TAFA5: variants seen among roughly 807,000 people sequenced by gnomAD.
TAFA5 encodes the protein chemokine-like protein TAFA-5.
In TAFA5, 6 loss-of-function variants were observed where a neutral mutation model predicts 15.3. That is an observed-to-expected ratio of 0.39 (90% confidence interval 0.21 to 0.77). The LOEUF is 0.77. Ranked by LOEUF, TAFA5 falls within the 30% of genes least tolerant of loss-of-function variation. The pLI is 0.41. For synonymous variants in TAFA5, 103 were observed against 80.7 expected (o/e 1.28, Z -1.48); for missense variants, 161 against 193.1 (o/e 0.83, Z 0.98).
chr22:48,686,804 T>C (rs868651462), intron 2 of TAFA5, among the ~76,000 whole-genome samples: 9 of 150,662 alleles, frequency 6.0e-5, no homozygotes, highest in African/African-American at 1.5e-4. Context: ...AGTGGATGGA[T>C]GGATGGATTG....
At position 48,663,117 on chromosome 22, in the gene TAFA5, C is replaced by T. The variant is rs541302185; in HGVS notation, c.262+16371C>T. 3.9e-5 allele frequency among the ~76,000 whole-genome samples: 6 copies of T among 152,074 alleles called. No individual in the cohort carries two copies. The South Asian group carries it at 6.2e-4, about 16-fold the overall frequency. On this transcript the variant is annotated intron_variant, in intron 2 of 3. Coordinates refer to ENST00000402357, the MANE Select transcript of TAFA5 (RefSeq NM_001082967.3). ...GCTGGGCCCCTGGGTGTCTTAGCTG[C>T]GGTTTTCTTTGGCTTTAACTTTTTG...
chr22:48,490,379 G>A lies in TAFA5; in HGVS notation c.112+675G>A, dbSNP rs1301938600. 1.3e-5 allele frequency among the ~76,000 whole-genome samples: 2 copies of A among 151,538 alleles called. No homozygotes were observed. The highest frequency in any genetic ancestry group is 2.9e-5 in the Non-Finnish European group (2 of 67,826). On this transcript the variant is annotated intron_variant, in intron 1 of 3. Transcript: ENST00000402357. This position sits in a 1 kb window ranked among gnomAD's most constrained non-coding sequence, Gnocchi z 5.8. ...GCGGGCGCGGGCTGGGGTGGTGCGG[G>A]CCAGTGGGCGCCCGGGCGTGAGCTG...
chr22:48,644,521 C>G (rs571526106), intron 1 of TAFA5, among the ~76,000 whole-genome samples: 101 of 152,298 alleles, frequency 6.6e-4, no homozygotes, highest in Non-Finnish European at 1.2e-3. Flanking sequence ...CAATCAGACA[C>G]GGGCACTCCC....
intron 1 of TAFA5, among the ~76,000 whole-genome samples, chr22:48,611,645 G>C (rs1410609455): frequency 1.3e-5 from 2 of 152,134 alleles, no homozygotes; most frequent in African/African-American, 4.8e-5. Context: ...TTGGTGTTCT[G>C]ATTGTGTCCA....
intron 2 of TAFA5, among the ~76,000 whole-genome samples, chr22:48,664,273 C>T (rs1177439796): frequency 6.6e-6 from 1 of 152,276 alleles, no homozygotes; most frequent in East Asian, 1.9e-4. Context: ...TGCTGCATCT[C>T]CTTTGAATGT....
In TAFA5 at chr22:48,742,356, CACAG is replaced by C. The variant is rs953728717; in HGVS notation, c.391-7478_391-7475del. Among the ~76,000 whole-genome samples the C allele has an allele frequency of 5.9e-5, 9 of 152,258 alleles. No homozygotes were observed. The highest frequency in any genetic ancestry group is 1.7e-4 in the African/African-American group (7 of 41,464). ...GAGAAACCTGCTTCACAGCGGAGGA[CACAG>C]ACAGCAGAGTCAAGCACAGTTTTAG... On this transcript the variant is annotated intron_variant, in intron 3 of 3. Transcript: ENST00000402357. The surrounding 1 kb of genome is among the most constrained non-coding windows in gnomAD (Gnocchi z 6.2).
chr22:48,677,041 G>C (rs1417464756), intron 2 of TAFA5, among the ~76,000 whole-genome samples: 2 of 152,194 alleles, frequency 1.3e-5, no homozygotes, highest in Admixed American at 1.3e-4. Context: ...CTGGCATTCG[G>C]CTGGAAGCCA....
intron 1 of TAFA5, among the ~76,000 whole-genome samples, chr22:48,604,248 G>A (rs1683815123): frequency 6.6e-6 from 1 of 152,186 alleles, no homozygotes; most frequent in African/African-American, 2.4e-5. Context: ...CAGGCACTGC[G>A]TTCCTTCGTT....
chr22:48,648,826 T>TCTGA (rs138321446), intron 2 of TAFA5, among the ~76,000 whole-genome samples: 1 of 38,952 alleles, frequency 2.6e-5, no homozygotes, highest in East Asian at 7.1e-4. Context: ...AGACTCTGTC[T>TCTGA]CAAAAAAACA....
In TAFA5 at chr22:48,700,874, G is replaced by A. The variant is rs139488903; in HGVS notation, c.263-6843G>A. Among the ~76,000 whole-genome samples the A allele has an allele frequency of 1.1e-4, 17 of 152,296 alleles. No homozygotes were observed. In the East Asian group the frequency reaches 2.1e-3, roughly 19 times the overall value. On this transcript the variant is annotated intron_variant, in intron 2 of 3. Transcript: ENST00000402357. ...AACAAGTTCAAATGTCCGATCCCACGTAACAGACACACCCTGCTGGATTTT... is the reference window on the plus strand; with the variant it reads ...AACAAGTTCAAATGTCCGATCCCACATAACAGACACACCCTGCTGGATTTT...
At chr22:48,591,583 G>A (rs531250735) in intron 1 of TAFA5, among the ~76,000 whole-genome samples, 7 of 152,354 alleles carry the variant, frequency 4.6e-5, no homozygotes, top group African/African-American at 1.4e-4. Context: ...GACCGGGGGC[G>A]GCCCTGAGGG....
chr22:48,607,928 G>A (rs1465311430), intron 1 of TAFA5, among the ~76,000 whole-genome samples: 1 of 152,198 alleles, frequency 6.6e-6, no homozygotes, highest in Non-Finnish European at 1.5e-5. Flanking sequence ...GGAGGGTGGG[G>A]TCGTTTCCCT....
intron 1 of TAFA5, among the ~76,000 whole-genome samples, chr22:48,557,560 C>T (rs1289260319): frequency 6.6e-6 from 1 of 152,208 alleles, no homozygotes. Context: ...ACCACGGCGG[C>T]TCCTTGCAGG....
At chr22:48,638,311 A>ACC (rs150899649) in intron 1 of TAFA5, among the ~76,000 whole-genome samples, 333 of 89,568 alleles carry the variant, frequency 3.7e-3, no homozygotes, top group African/African-American at 0.014. Flanking sequence ...ATAGGCAACA[A>ACC]CCCCCCCCAC....
At chr22:48,650,194 T>C (rs1347688176) in intron 2 of TAFA5, among the ~76,000 whole-genome samples, 1 of 151,958 alleles carries the variant, frequency 6.6e-6, no homozygotes, top group Non-Finnish European at 1.5e-5. Context: ...TGAATGTGAG[T>C]AGGGTTGAAA....
intron 1 of TAFA5, among the ~76,000 whole-genome samples, chr22:48,527,761 G>A (rs779634301): frequency 5.3e-5 from 8 of 152,182 alleles, no homozygotes; most frequent in East Asian, 1.9e-4. Context: ...AGCCTCTGTC[G>A]TGTGGTTGAG....
chr22:48,571,082 C>A (rs941646435), intron 1 of TAFA5, among the ~76,000 whole-genome samples: 3 of 152,122 alleles, frequency 2.0e-5, no homozygotes, highest in Non-Finnish European at 2.9e-5. Context: ...GTAAACTGAA[C>A]TTCTGAATCC....
rs369448502 is a variant in TAFA5 at position 48,560,567 on chromosome 22, T to TTTA, written c.112+70886_112+70888dup. Among the ~76,000 whole-genome samples, 317 of 144,226 alleles carry TTTA rather than the reference T, an allele frequency of 2.2e-3. 1 individual carries two copies. Among genetic ancestry groups the TTTA allele is most frequent in the Non-Finnish European group, 3.6e-3 (236 of 64,918 alleles). The allele number at this position is 144,226 out of a possible 152,430, so 94.6% of individuals were successfully genotyped here. ...CACTGGGCCATGAAAAACGTTGTAT[T>TTTA]TTATTATTATTATTATTATTATTAT... On this transcript the variant is annotated intron_variant, in intron 1 of 3. Transcript: ENST00000402357. This position sits in a 1 kb window ranked among gnomAD's most constrained non-coding sequence, Gnocchi z 4.2.
chr22:48,509,351 G>A (rs982211851), intron 1 of TAFA5, among the ~76,000 whole-genome samples: 13 of 152,172 alleles, frequency 8.5e-5, no homozygotes, highest in Admixed American at 5.9e-4. Context: ...AGATGAGGGC[G>A]TAGGTGCTAT....
Sources: gnomAD v4.1 joint callset for allele counts (sites outside exome capture counted in the v4.1 genomes callset) on GRCh38, gnomAD v4.1.1 for gene constraint, Gnocchi (gnomAD v3.1) non-coding constraint, MANE v1.5 for transcripts, NCBI Gene and HGNC (gene_info 2026-07-23, HGNC 2026-07-21) for gene names.